Variants in BNC2 observed in about 807,000 individuals in gnomAD.
The protein encoded by BNC2 is basonuclin zinc finger protein 2, also known as zinc finger protein basonuclin-2.
Under a neutral mutation model 76.3 loss-of-function variants are expected in BNC2, and 20 were observed. The observed-to-expected ratio is 0.26, with a 90% CI of 0.18 to 0.38. The LOEUF is 0.38. Ranked by LOEUF, BNC2 falls within the 10% of genes least tolerant of loss-of-function variation. BNC2 has a pLI of 1.00. For missense variants in BNC2, 1,382 were observed against 1,399.8 expected (o/e 0.99, Z 0.20); for synonymous variants, 582 against 514.8 (o/e 1.13, Z -1.77).
intron 3 of BNC2, among the ~76,000 whole-genome samples, chr9:16,624,437 AAGTT>A (rs1820939410): frequency 6.6e-6 from 1 of 152,184 alleles, no homozygotes; most frequent in African/African-American, 2.4e-5. Context: ...CACAACATAA[AAGTT>A]AATTTTACAT....
chr9:16,811,067 A>T (rs1818035611), intron 1 of BNC2, among the ~76,000 whole-genome samples: 1 of 151,798 alleles, frequency 6.6e-6, no homozygotes, highest in Non-Finnish European at 1.5e-5. Flanking sequence ...AAATACAAAA[A>T]ATTAGCCAGG....
Position 16,836,282 on chromosome 9 carries a change from G to T in BNC2, c.3+34364C>A, listed in dbSNP as rs376221543. Among the ~76,000 whole-genome samples, 178 of 152,162 alleles carry T rather than the reference G, an allele frequency of 1.2e-3. 1 individual carries two copies. Among genetic ancestry groups the T allele is most frequent in the African/African-American group, 4.2e-3 (174 of 41,516 alleles). On this transcript the variant is annotated intron_variant, in intron 1 of 6. Coordinates refer to ENST00000380672, the MANE Select transcript of BNC2 (RefSeq NM_017637.6). ...ATGGCGCTGCTTTCAAAAACAATTT[G>T]TTCTGATTTAAATGAAGAATCAGAG...
intron 5 of BNC2, among the ~76,000 whole-genome samples, chr9:16,515,233 T>C (rs1334339760): frequency 6.6e-6 from 1 of 152,234 alleles, no homozygotes; most frequent in Non-Finnish European, 1.5e-5. Flanking sequence ...AGTCTGTGGC[T>C]GTCAGTGTCT....
At chr9:16,714,368 A>G (rs1823939329) in intron 3 of BNC2, among the ~76,000 whole-genome samples, 1 of 152,180 alleles carries the variant, frequency 6.6e-6, no homozygotes, top group South Asian at 2.1e-4. Context: ...CCCTCCCCTT[A>G]TATTAAAGAT....
chr9:16,592,049 T>G (rs1819943297), intron 3 of BNC2, among the ~76,000 whole-genome samples: 1 of 152,126 alleles, frequency 6.6e-6, no homozygotes, highest in African/African-American at 2.4e-5. Flanking sequence ...ACCATTGGTT[T>G]AAACTGCAGG....
intron 3 of BNC2, among the ~76,000 whole-genome samples, chr9:16,650,019 A>T (rs989378607): frequency 1.3e-5 from 2 of 152,200 alleles, no homozygotes; most frequent in African/African-American, 4.8e-5. Context: ...CCAATCTGAT[A>T]AGCTTAGACC....
At chr9:16,779,974 C>T (rs950623147) in intron 1 of BNC2, among the ~76,000 whole-genome samples, 6 of 151,730 alleles carry the variant, frequency 4.0e-5, no homozygotes, top group South Asian at 2.1e-4. Context: ...TGGTGGCTCA[C>T]GCCTGTGATC....
At chr9:16,685,854 A>C (rs1822962469) in intron 3 of BNC2, among the ~76,000 whole-genome samples, 1 of 152,236 alleles carries the variant, frequency 6.6e-6, no homozygotes, top group South Asian at 2.1e-4. Flanking sequence ...AAAGCAACAT[A>C]AATTTTGTTC....
intron 5 of BNC2, among the ~76,000 whole-genome samples, chr9:16,543,928 G>A (rs1818397864): frequency 6.6e-6 from 1 of 152,168 alleles, no homozygotes; most frequent in Non-Finnish European, 1.5e-5. Flanking sequence ...ACACTGCTCT[G>A]AATCATCTAT....
chr9:16,568,638 A>G (rs959690524), intron 4 of BNC2, among the ~76,000 whole-genome samples: 1 of 152,146 alleles, frequency 6.6e-6, no homozygotes, highest in Non-Finnish European at 1.5e-5. Flanking sequence ...CTCTCTTACC[A>G]GGCAAAAGCA....
At chr9:16,559,961 G>T (rs1382876516) in intron 4 of BNC2, among the ~76,000 whole-genome samples, 5 of 152,248 alleles carry the variant, frequency 3.3e-5, no homozygotes, top group Non-Finnish European at 7.3e-5. Context: ...AGAAGAGAGG[G>T]CAATGCTGCC....
chr9:16,822,785 T>A (rs1469756663), intron 1 of BNC2, among the ~76,000 whole-genome samples: 1 of 152,212 alleles, frequency 6.6e-6, no homozygotes, highest in African/African-American at 2.4e-5. Flanking sequence ...AGTTCAGAAA[T>A]TATTATAGTC....
chr9:16,732,535 T>C (rs982104099), intron 2 of BNC2, among the ~76,000 whole-genome samples: 1 of 152,350 alleles, frequency 6.6e-6, no homozygotes, highest in South Asian at 2.1e-4. Context: ...AGTTTTTGTA[T>C]ACAATTTAAC....
chr9:16,743,780 C>G (rs1824918812), intron 1 of BNC2, among the ~76,000 whole-genome samples: 1 of 152,176 alleles, frequency 6.6e-6, no homozygotes, highest in African/African-American at 2.4e-5. Flanking sequence ...GGACTGGCTC[C>G]TTTTTTCTCC....
At chr9:16,709,908 T>G (rs1312257468) in intron 3 of BNC2, among the ~76,000 whole-genome samples, 3 of 152,134 alleles carry the variant, frequency 2.0e-5, no homozygotes, top group Non-Finnish European at 4.4e-5. Context: ...AGGGGAAAAG[T>G]GGTTATAGGT....
Position 16,775,577 on chromosome 9 carries a change from T to C in BNC2, c.4-37092A>G, listed in dbSNP as rs72709920. On this transcript the variant is annotated intron_variant, in intron 1 of 6. Transcript: ENST00000380672. ...AATAGCTTCTGAGCAGAGGACTTAA[T>C]ACTCATCAAGAGTATCTGCTCAAGG... The C allele has an allele frequency of 4.4e-3, 713 of 163,704 alleles. 5 individuals carry two copies. Among genetic ancestry groups the C allele is most frequent in the Non-Finnish European group, 6.9e-3 (498 of 72,188 alleles). 10.1% of individuals were successfully genotyped at this position (163,704 alleles called of 1,614,324 possible).
chr9:16,647,275 G>A lies in BNC2; in HGVS notation c.331-64190C>T, dbSNP rs540472360. Among the ~76,000 whole-genome samples, 4 of 152,236 alleles carry A rather than the reference G, an allele frequency of 2.6e-5. No individual in the cohort carries two copies. The South Asian group carries it at 6.2e-4, about 24-fold the overall frequency. ...CTTGCCAAAAAGGGGTAGGTGGTAG[G>A]TTACATAACAAGGATTGGGGTGGAA... On this transcript the variant is annotated intron_variant, in intron 3 of 6. Transcript: ENST00000380672.
chr9:16,603,857 T>C (rs1381837876), intron 3 of BNC2, among the ~76,000 whole-genome samples: 2 of 141,740 alleles, frequency 1.4e-5, no homozygotes, highest in Admixed American at 7.7e-5. Context: ...CAAACCTCTC[T>C]CAAATATTCT....
At chr9:16,801,698 T>A (rs1817783802) in intron 1 of BNC2, among the ~76,000 whole-genome samples, 1 of 148,322 alleles carries the variant, frequency 6.7e-6, no homozygotes. Flanking sequence ...CAAAAGAAGC[T>A]GAAATATTTT....
Sources: gnomAD v4.1 joint callset for allele counts (sites outside exome capture counted in the v4.1 genomes callset) on GRCh38, gnomAD v4.1.1 for gene constraint, MANE v1.5 for transcripts, NCBI Gene and HGNC (gene_info 2026-07-23, HGNC 2026-07-21) for gene names.